Variants in WWOX observed in about 807,000 individuals in gnomAD.
The protein encoded by WWOX is WW domain containing oxidoreductase, also known as WW domain-containing oxidoreductase.
A neutral mutation model predicts 46.2 loss-of-function variants in WWOX; 69 were observed. That is an observed-to-expected ratio of 1.49 (90% CI 1.23 to 1.82). WWOX has a LOEUF of 1.82. Among genes scored for constraint, WWOX ranks in the 40% most tolerant of loss-of-function variants. The pLI, the probability that WWOX is intolerant of heterozygous loss-of-function variation, is 0.00. For synonymous variants in WWOX, 359 were observed against 202.6 expected, an observed-to-expected ratio of 1.77 and a Z score of -6.56; for missense variants, 919 against 542.6, an observed-to-expected ratio of 1.69 and a Z score of -6.89.
At chr16:79,030,513 C>T (rs1046242593) in intron 8 of WWOX, among the ~76,000 whole-genome samples, 4 of 152,196 alleles carry the variant, frequency 2.6e-5, no homozygotes, top group Non-Finnish European at 5.9e-5. Context: ...GCCACAGAGG[C>T]ACTGACACCA....
chr16:78,833,687 T>C (rs1278697021), intron 8 of WWOX, among the ~76,000 whole-genome samples: 1 of 152,242 alleles, frequency 6.6e-6, no homozygotes, highest in African/African-American at 2.4e-5. Flanking sequence ...CTTAGAGATT[T>C]CACAGCAGTT....
rs202166392 is a variant in WWOX at position 78,648,116 on chromosome 16, A to G, written c.1056+215364A>G. 2.6e-5 allele frequency among the ~76,000 whole-genome samples: 4 copies of G among 152,360 alleles called. No homozygotes were observed. The East Asian group carries it at 7.7e-4, about 29-fold the overall frequency. ...TGAAGCCAGAGAGAAAATCAGTCAG[A>G]CAGGAATTATGTTGAAAGGTGACTG... On this transcript the variant is annotated intron_variant, in intron 8 of 8. Transcript: ENST00000566780.
intron 8 of WWOX, among the ~76,000 whole-genome samples, chr16:79,031,131 C>A (rs1485349016): frequency 6.7e-6 from 1 of 149,702 alleles, no homozygotes; most frequent in Admixed American, 6.7e-5. Context: ...ACTATATAAA[C>A]ACTAGGGTTG....
chr16:78,527,913 C>G (rs74029533), intron 8 of WWOX, among the ~76,000 whole-genome samples: 2,600 of 150,928 alleles, frequency 0.017, 57 homozygotes, highest in African/African-American at 0.049. Flanking sequence ...CACAAAATAT[C>G]AGCAGTGCCC....
chr16:78,474,259 G>A lies in WWOX; in HGVS notation c.1056+41507G>A, dbSNP rs75567404. ...TTTGACATTTTGATCATACTAACCTGGGACATTTTATGCTAAAGTTCTCAT... is the reference window on the plus strand; with the variant it reads ...TTTGACATTTTGATCATACTAACCTAGGACATTTTATGCTAAAGTTCTCAT... On this transcript the variant is annotated intron_variant, in intron 8 of 8. Transcript: ENST00000566780. Among the ~76,000 whole-genome samples, 14 of 152,264 alleles carry A rather than the reference G, an allele frequency of 9.2e-5. No homozygotes were observed. The East Asian group carries it at 2.7e-3, about 29-fold the overall frequency.
At chr16:78,929,283 C>G (rs574185499) in intron 8 of WWOX, among the ~76,000 whole-genome samples, 1 of 151,734 alleles carries the variant, frequency 6.6e-6, no homozygotes, top group South Asian at 2.1e-4. Context: ...AGTTTCCTAG[C>G]AGTTCTCTTT....
intron 8 of WWOX, among the ~76,000 whole-genome samples, chr16:78,674,638 T>A (rs2142213564): frequency 6.6e-6 from 1 of 152,254 alleles, no homozygotes; most frequent in Non-Finnish European, 1.5e-5. Context: ...GTTCCACACT[T>A]CTGGCCACCT....
chr16:79,012,150 A>G (rs978291418), intron 8 of WWOX, among the ~76,000 whole-genome samples: 7 of 152,078 alleles, frequency 4.6e-5, no homozygotes, highest in South Asian at 2.1e-4. Context: ...GCAGTGATGG[A>G]TGTCTTCTAT....
chr16:79,148,748 G>T (rs2050224757), intron 8 of WWOX, among the ~76,000 whole-genome samples: 1 of 152,032 alleles, frequency 6.6e-6, no homozygotes, highest in Non-Finnish European at 1.5e-5. Context: ...AAACCCACTG[G>T]AGTGTGTACC....
intron 8 of WWOX, among the ~76,000 whole-genome samples, chr16:78,820,031 A>T (rs1488154622): frequency 3.3e-5 from 5 of 151,966 alleles, no homozygotes; most frequent in Non-Finnish European, 5.9e-5. Context: ...AAATAAAATA[A>T]CTCTGGCATT....
chr16:79,073,155 T>TATTATC (rs1166776389), intron 8 of WWOX, among the ~76,000 whole-genome samples: 1 of 44,570 alleles, frequency 2.2e-5, no homozygotes, highest in East Asian at 2.6e-4. Context: ...TATTCGTTAT[T>TATTATC]ATTATTATTA....
chr16:79,108,285 A>C (rs906818650), intron 8 of WWOX, among the ~76,000 whole-genome samples: 3 of 152,240 alleles, frequency 2.0e-5, no homozygotes, highest in Non-Finnish European at 2.9e-5. Context: ...GGGGTCCTGC[A>C]GTGCCTTCTT....
At chr16:78,472,350 T>A (rs976497804) in intron 8 of WWOX, among the ~76,000 whole-genome samples, 1 of 152,208 alleles carries the variant, frequency 6.6e-6, no homozygotes, top group Admixed American at 6.5e-5. Flanking sequence ...AAAGCCCTTG[T>A]TCATTTTTAA....
intron 7 of WWOX, among the ~76,000 whole-genome samples, chr16:78,429,835 G>A (rs545889040): frequency 6.6e-6 from 1 of 152,194 alleles, no homozygotes; most frequent in Non-Finnish European, 1.5e-5. Context: ...AATGGCGTGT[G>A]TTTCAACATG....
At chr16:78,835,181 A>G (rs574466704) in intron 8 of WWOX, among the ~76,000 whole-genome samples, 1 of 152,168 alleles carries the variant, frequency 6.6e-6, no homozygotes, top group Non-Finnish European at 1.5e-5. Context: ...ATTATCCAAC[A>G]TTAGCTGTCT....
intron 5 of WWOX, among the ~76,000 whole-genome samples, chr16:78,335,537 G>T (rs968049466): frequency 6.6e-6 from 1 of 151,966 alleles, no homozygotes; most frequent in Admixed American, 6.6e-5. Flanking sequence ...TGAGCATTTG[G>T]AGTGATTCCG....
chr16:78,974,091 G>C (rs572388647), intron 8 of WWOX, among the ~76,000 whole-genome samples: 21 of 152,306 alleles, frequency 1.4e-4, no homozygotes, highest in African/African-American at 2.2e-4. Flanking sequence ...CATTCAAAAA[G>C]TGTAAAGGAC....
At chr16:78,983,311 A>G (rs2046719307) in intron 8 of WWOX, among the ~76,000 whole-genome samples, 1 of 152,160 alleles carries the variant, frequency 6.6e-6, no homozygotes, top group African/African-American at 2.4e-5. Context: ...AGAATCAGGA[A>G]CCAGGGCCTC....
In WWOX at chr16:78,703,759, C is replaced by CCT. The variant is rs138542835; in HGVS notation, c.1056+271009_1056+271010dup. Among the ~76,000 whole-genome samples the CCT allele has an allele frequency of 7.6e-3, 1,163 of 152,030 alleles. 20 individuals carry two copies. Among genetic ancestry groups the CCT allele is most frequent in the African/African-American group, 0.026 (1,089 of 41,456 alleles). Reference sequence around the variant, plus strand: ...ATATCCCAAAATGTGTTTCCAACTACCTCACTGATTTTGACTTCACAGGGA... The same window carrying CCT: ...ATATCCCAAAATGTGTTTCCAACTACCTCTCACTGATTTTGACTTCACAGGGA... On this transcript the variant is annotated intron_variant, in intron 8 of 8. Transcript: ENST00000566780.
Sources: allele counts gnomAD v4.1 joint callset (sites outside exome capture counted in the v4.1 genomes callset), GRCh38; gene constraint gnomAD v4.1.1; transcripts MANE v1.5; gene names NCBI Gene and HGNC (gene_info 2026-07-23, HGNC 2026-07-21).